The following CENPF variants were observed in gnomAD, a reference collection of about 807,000 sequenced individuals.
CENPF encodes centromere protein F, also known as AH antigen.
A neutral mutation model predicts 307.3 loss-of-function variants in CENPF; 214 were observed. The observed-to-expected ratio is 0.70, with a 90% confidence interval of 0.62 to 0.78. The LOEUF is 0.78. CENPF is among the 30% of genes least tolerant of loss of function. CENPF has a pLI of 0.00. For missense variants in CENPF, 3,401 were observed against 3,483.9 expected, an observed-to-expected ratio of 0.98 and a Z score of 0.60; for synonymous variants, 1,259 against 1,270.6, an observed-to-expected ratio of 0.99 and a Z score of 0.19.
In CENPF at chr1:214,640,122, C is replaced by T. The variant is rs1365086240; in HGVS notation, c.1784C>T (p.Ser595Phe). The change falls in exon 12 of 20, where the codon TCC becomes TTC. Residue 595 changes from serine (S) to phenylalanine (F), a missense_variant. Ser to Phe is a radical substitution (Grantham distance 155, BLOSUM62 -2). Coordinates refer to ENST00000366955, the MANE Select transcript of CENPF (RefSeq NM_016343.4). The stretch of plus-strand genomic sequence containing the variant: ...AAGTTAAGCAAGACAGAGAAAGAGT[C>T]CAAAGCCTTGCTGAGTGCTTTAGAG... ...NDKLSKTEKE[S>F]KALLSALELK... The T allele has an allele frequency of 1.3e-6, 2 of 1,586,260 alleles. No homozygotes were observed. Among genetic ancestry groups the T allele is most frequent in the East Asian group, 2.2e-5 (1 of 44,746 alleles).
chr1:214,632,664 A>G, intron 10 of CENPF, 62 bp downstream of exon 10: 1 of 1,582,206 alleles, frequency 6.3e-7, no homozygotes, highest in Non-Finnish European at 8.6e-7. Context: ...AGGGGAAAAG[A>G]ATATTCCTAT....
chr1:214,635,087 A>G (rs1258785673), intron 10 of CENPF, among the ~76,000 whole-genome samples: 2 of 152,228 alleles, frequency 1.3e-5, no homozygotes, highest in Admixed American at 1.3e-4. Flanking sequence ...ATCGTTTGAC[A>G]GTCAAGATGA....
Position 214,643,712 on chromosome 1 carries a change from C to T in CENPF, c.4986+388C>T, listed in dbSNP as rs536126746. Among the ~76,000 whole-genome samples the T allele has an allele frequency of 8.5e-5, 13 of 152,282 alleles. No homozygotes were observed. The South Asian group carries it at 2.5e-3, about 29-fold the overall frequency. On this transcript the variant is annotated intron_variant, in intron 12 of 19. Coordinates refer to ENST00000366955, the MANE Select transcript of CENPF (RefSeq NM_016343.4). Reference sequence around the variant, plus strand: ...ATATGTAAATTTTTAATCTCTCCCACTTTTCAGACTATTTTTGATGTTATG... The same window carrying T: ...ATATGTAAATTTTTAATCTCTCCCATTTTTCAGACTATTTTTGATGTTATG...
intron 16 of CENPF, 57 bp from the exon 17 acceptor site, chr1:214,655,184 C>G: frequency 9.1e-7 from 1 of 1,093,008 alleles, no homozygotes; most frequent in East Asian, 2.6e-5. Flanking sequence ...AATTATTTTT[C>G]CATATGCTTA....
chr1:214,645,375 A>G lies in CENPF; in HGVS notation c.5805A>G (p.Leu1935=). ...LEVVQTEKLC[L]EKDNENKQKV... ...TAGTTCAAACAGAGAAGCTATGTTT[A>G]GAAAAAGACAATGAAAATAAGCAGA... The change falls in exon 13 of 20, where the codon TTA becomes TTG. Residue 1935 remains leucine, a synonymous_variant. Transcript: ENST00000366955. 6.2e-7 allele frequency: 1 copy of G among 1,614,220 alleles called. No homozygotes were observed. Among genetic ancestry groups the G allele is most frequent in the Non-Finnish European group, 8.5e-7 (1 of 1,180,032 alleles).
chr1:214,618,238 A>G (rs953981153), intron 3 of CENPF, among the ~76,000 whole-genome samples: 4 of 152,330 alleles, frequency 2.6e-5, no homozygotes, highest in Non-Finnish European at 4.4e-5. Context: ...GGGAACTACA[A>G]TTCAAGATGA....
At chr1:214,663,255 G>C (rs760866151) in intron 19 of CENPF, among the ~76,000 whole-genome samples, 1 of 152,184 alleles carries the variant, frequency 6.6e-6, no homozygotes, top group Non-Finnish European at 1.5e-5. Flanking sequence ...GGCTAGTTAG[G>C]ACAACAGAGG....
At chr1:214,648,939 G>T in intron 14 of CENPF, 112 bp downstream of exon 14, 1 of 1,074,664 alleles carries the variant, frequency 9.3e-7, no homozygotes, top group East Asian at 2.5e-5. Context: ...TTTAGCTCTT[G>T]AAAAAAATAA....
At chr1:214,663,231 T>G (rs1223362323) in intron 19 of CENPF, among the ~76,000 whole-genome samples, 39 of 152,238 alleles carry the variant, frequency 2.6e-4, no homozygotes, top group Non-Finnish European at 1.6e-4. Context: ...ACACTTGTTT[T>G]AAACAACAGG....
rs1332163272 is a variant in CENPF, at chr1:214,640,382, C to T, written c.2044C>T (p.Leu682Phe). 6.2e-7 allele frequency: 1 copy of T among 1,613,896 alleles called. No homozygotes were observed. The highest frequency in any genetic ancestry group is 8.5e-7 in the Non-Finnish European group (1 of 1,180,018). ...RENLSVEIRN[L>F]HNVLDSKSVE... is the part of the protein sequence containing the mutation. ...AAACCTAAGTGTCGAGATCAGAAAC[C>T]TTCACAACGTGTTAGACAGTAAGTC... is the stretch of plus-strand genomic sequence containing the variant. The change falls in exon 12 of 20, where the codon CTT becomes TTT. Residue 682 changes from leucine (L) to phenylalanine (F), a missense_variant. Transcript: ENST00000366955.
At chr1:214,620,382 G>A (rs1489585942) in intron 5 of CENPF, among the ~76,000 whole-genome samples, 1 of 152,186 alleles carries the variant, frequency 6.6e-6, no homozygotes, top group Non-Finnish European at 1.5e-5. Context: ...GTTCTAAGAA[G>A]GATGCAGAAT....
At chr1:214,616,597 A>G (rs1657344122) in intron 3 of CENPF, among the ~76,000 whole-genome samples, 1 of 152,156 alleles carries the variant, frequency 6.6e-6, no homozygotes, top group South Asian at 2.1e-4. Flanking sequence ...GAAAATAGCA[A>G]GTTAAATTAA....
chr1:214,656,682 G>A (rs555689934), intron 17 of CENPF, among the ~76,000 whole-genome samples: 1 of 152,302 alleles, frequency 6.6e-6, no homozygotes, highest in East Asian at 1.9e-4. Flanking sequence ...TGAAATATGA[G>A]TTTGAGACTT....
chr1:214,612,794 T>C (rs1407182309), intron 1 of CENPF, among the ~76,000 whole-genome samples: 4 of 152,352 alleles, frequency 2.6e-5, no homozygotes, highest in African/African-American at 7.2e-5. Flanking sequence ...AAAATTAGTA[T>C]AATTTACAGT....
chr1:214,625,652 T>G (rs1242379930), intron 7 of CENPF, among the ~76,000 whole-genome samples: 2 of 152,254 alleles, frequency 1.3e-5, no homozygotes, highest in Non-Finnish European at 2.9e-5. Context: ...TGTTTTCTTT[T>G]TTTTTCCTGC....
chr1:214,603,561 C>T (rs983122106), intron 1 of CENPF: 1 of 152,176 alleles, frequency 6.6e-6, no homozygotes, highest in Non-Finnish European at 1.5e-5. Context: ...AAACTGGTCT[C>T]GGATTAGTGT....
rs146963558 is a variant in CENPF at position 214,642,440 on chromosome 1, G to A, written c.4102G>A (p.Glu1368Lys). The change falls in exon 12 of 20, where the codon GAA becomes AAA. Residue 1368 changes from glutamate to lysine, a missense_variant. By Grantham distance (56) the Glu-to-Lys change is moderately conservative. Coordinates refer to ENST00000366955, the MANE Select transcript of CENPF (RefSeq NM_016343.4). ...GTTAGTGGAAGACATACCAGGAGGT[G>A]AATTTGGTGAACAACCAAATGAACA... ...GELVEDIPGG[E>K]FGEQPNEQHP... is the part of the protein sequence containing the mutation. 1.3e-6 allele frequency: 2 copies of A among 1,595,574 alleles called. No homozygotes were observed. Among genetic ancestry groups the A allele is most frequent in the South Asian group, 1.1e-5 (1 of 87,454 alleles).
chr1:214,640,053 A>T lies in CENPF; in HGVS notation c.1715A>T (p.Asp572Val), dbSNP rs779692969. 9 of 1,602,614 alleles carry T rather than the reference A, an allele frequency of 5.6e-6. No individual in the cohort carries two copies. Among genetic ancestry groups the T allele is most frequent in the Non-Finnish European group, 7.6e-6 (9 of 1,177,428 alleles). ...GAAAAGCAGCGAGATTGTTCTCAAGACCTTTTGAAGAAAAGAGAACATCAC... is the reference window on the plus strand; with the variant it reads ...GAAAAGCAGCGAGATTGTTCTCAAGTCCTTTTGAAGAAAAGAGAACATCAC... ...DLEKQRDCSQ[D>V]LLKKREHHIE... Residue 572 changes from aspartate (D) to valine (V), a missense_variant, in exon 12 of 20, where the codon GAC becomes GTC. By Grantham distance (152) the Asp-to-Val change is radical. Coordinates refer to ENST00000366955, the MANE Select transcript of CENPF (RefSeq NM_016343.4).
At position 214,643,028 on chromosome 1, in the gene CENPF, G is replaced by C; in HGVS notation, c.4690G>C (p.Glu1564Gln). 6.2e-7 allele frequency: 1 copy of C among 1,609,644 alleles called. No homozygotes were observed. The highest frequency in any genetic ancestry group is 8.5e-7 in the Non-Finnish European group (1 of 1,178,778). The change falls in exon 12 of 20, where the codon GAG becomes CAG. Residue 1564 changes from glutamate to glutamine, a missense_variant. Glu to Gln is a conservative substitution (Grantham distance 29). Coordinates refer to ENST00000366955, the MANE Select transcript of CENPF (RefSeq NM_016343.4). Reference sequence around the variant, plus strand: ...CTGTGAGGTGTACCGGCAGTCCCTCGAGAAGCTAGAAGAGAAAATGGAAAG... The same window carrying C: ...CTGTGAGGTGTACCGGCAGTCCCTCCAGAAGCTAGAAGAGAAAATGGAAAG... ...SLCEVYRQSL[E>Q]KLEEKMESQG... is the part of the protein sequence containing the mutation.
Sources: allele counts gnomAD v4.1 joint callset (sites outside exome capture counted in the v4.1 genomes callset), GRCh38; gene constraint gnomAD v4.1.1; transcripts MANE v1.5; gene names NCBI Gene and HGNC (gene_info 2026-07-23, HGNC 2026-07-21).